PCNT: variants seen among roughly 807,000 people sequenced by gnomAD.
PCNT encodes kendrin.
A neutral mutation model predicts 380.4 loss-of-function variants in PCNT; 319 were observed. That is an observed-to-expected ratio of 0.84 (90% CI 0.77 to 0.92). The LOEUF is 0.92. Among genes scored for constraint, PCNT ranks in the 40% least tolerant of loss-of-function variants. The pLI is 0.00. For missense variants in PCNT, 4,400 were observed against 4,255.3 expected (o/e 1.03, Z -0.95); for synonymous variants, 1,845 against 1,735.2 (o/e 1.06, Z -1.57).
At chr21:46,427,538 CA>C in intron 33 of PCNT, 83 bp from the exon 34 acceptor site, 1 of 1,535,648 alleles carries the variant, frequency 6.5e-7, no homozygotes. Flanking sequence ...GCCCCATCTC[CA>C]AACGCAGTCA....
intron 13 of PCNT, 123 bp from the exon 14 acceptor site, chr21:46,363,357 T>A: frequency 2.7e-6 from 2 of 752,230 alleles, no homozygotes; most frequent in Non-Finnish European, 4.7e-6. Context: ...TGTTGCTGTG[T>A]GCAGCGTAAT....
chr21:46,412,161 G>T, intron 28 of PCNT, 94 bp downstream of exon 28: 2 of 1,406,942 alleles, frequency 1.4e-6, no homozygotes, highest in South Asian at 2.5e-5. Context: ...GGGCACTGGG[G>T]GCTGCAGTTG....
intron 16 of PCNT, among the ~76,000 whole-genome samples, chr21:46,384,805 T>G (rs1006990283): frequency 6.7e-6 from 1 of 148,614 alleles, no homozygotes; most frequent in Non-Finnish European, 1.5e-5. Flanking sequence ...ATTCATGGTG[T>G]TGTGCGTTGA....
chr21:46,437,068 C>A lies in PCNT; in HGVS notation c.9086C>A (p.Pro3029His), dbSNP rs745369116. The A allele has an allele frequency of 1.9e-6, 3 of 1,613,086 alleles. No homozygotes were observed. The highest frequency in any genetic ancestry group is 1.7e-6 in the Non-Finnish European group (2 of 1,179,340). ...GAGCTGAAGTCTGACTTGAGCAGGC[C>A]CACCTCCTCCCAGGTAAGGGGTGAG... is the stretch of plus-strand genomic sequence containing the variant. ...LEELKSDLSRPTSSQKKMAAE... is the reference protein window; with the variant it reads ...LEELKSDLSRHTSSQKKMAAE... Residue 3029 changes from proline (P) to histidine (H), a missense_variant, in exon 40 of 47, where the codon CCC becomes CAC. Coordinates refer to ENST00000359568, the MANE Select transcript of PCNT (RefSeq NM_006031.6).
intron 6 of PCNT, chr21:46,348,469 C>T: frequency 5.6e-6 from 1 of 179,518 alleles, no homozygotes; most frequent in Non-Finnish European, 1.2e-5. Flanking sequence ...GTGCAGATGG[C>T]AGTCTGTTTT....
At chr21:46,344,305 A>G (rs1337299495) in intron 3 of PCNT, among the ~76,000 whole-genome samples, 6 of 151,904 alleles carry the variant, frequency 3.9e-5, no homozygotes. Flanking sequence ...CAATCTCCTG[A>G]CCTCATGATC....
At chr21:46,398,820 CT>C (rs11331073) in intron 24 of PCNT, among the ~76,000 whole-genome samples, 52,470 of 113,966 alleles carry the variant, frequency 0.46, 10,024 homozygotes, top group Admixed American at 0.54. Flanking sequence ...TTTTCTTTTT[CT>C]TTTTTTTTTT....
In PCNT at chr21:46,399,625, G is replaced by A. The variant is rs764372533; in HGVS notation, c.4620G>A (p.Leu1540=). The A allele has an allele frequency of 6.2e-7, 1 of 1,613,670 alleles. No homozygotes were observed. Among genetic ancestry groups the A allele is most frequent in the Non-Finnish European group, 8.5e-7 (1 of 1,179,582 alleles). ...ELLQQKLREK[L]DEFNELAIQK... is the part of the protein sequence containing the mutation. ...TACAACAAAAGTTGAGAGAAAAGTT[G>A]GATGAATTTAATGAATTGGCTATAC... Residue 1540 remains leucine (L), a synonymous_variant, in exon 25 of 47, where the codon TTG becomes TTA. Transcript: ENST00000359568.
In PCNT at chr21:46,390,711, A is replaced by T. The variant is rs774651598; in HGVS notation, c.3882A>T (p.Glu1294Asp). The change falls in exon 20 of 47, where the codon GAA becomes GAT. Residue 1294 changes from glutamate to aspartate, a missense_variant. Physicochemically the swap from Glu to Asp is conservative, Grantham distance 45. Transcript: ENST00000359568. ...AAATTCATTCTCGTTTTGAAAAAGA[A>T]TTTAGTTTTAAGAATGAGGAGACAG... ...ARQIHSRFEK[E>D]FSFKNEETAQ... is the part of the protein sequence containing the mutation. 6.2e-7 allele frequency: 1 copy of T among 1,613,934 alleles called. No individual in the cohort carries two copies. The highest frequency in any genetic ancestry group is 1.3e-5 in the African/African-American group (1 of 74,912).
rs201322796 is a variant in PCNT at position 46,442,453 on chromosome 21, G to A, written c.9624-44G>A. On this transcript the variant is annotated intron_variant, in intron 43 of 46. Transcript: ENST00000359568. ...GGTTTTCATTGCTCTTTCCCTTCCT[G>A]TCTTGCCGTACTTTTAAGTGTGTCT... 27 of 1,249,534 alleles carry A rather than the reference G, an allele frequency of 2.2e-5. No homozygotes were observed. In the East Asian group the frequency reaches 6.3e-4, roughly 29 times the overall value. The allele number at this position is 1,249,534 out of a possible 1,614,324, so 77.4% of individuals were successfully genotyped here.
At chr21:46,367,431 C>T (rs961154225) in intron 15 of PCNT, among the ~76,000 whole-genome samples, 3 of 152,036 alleles carry the variant, frequency 2.0e-5, no homozygotes, top group Admixed American at 1.3e-4. Flanking sequence ...CCTCAGCCTC[C>T]CAAGTAGCTG....
intron 3 of PCNT, among the ~76,000 whole-genome samples, chr21:46,344,093 A>G (rs2083990784): frequency 6.9e-6 from 1 of 145,244 alleles, no homozygotes; most frequent in South Asian, 2.1e-4. Flanking sequence ...GAGATGGAGT[A>G]TCGCTCTGTC....
intron 38 of PCNT, among the ~76,000 whole-genome samples, chr21:46,432,598 T>G (rs960934233): frequency 6.6e-6 from 1 of 152,236 alleles, no homozygotes; most frequent in Admixed American, 6.5e-5. Context: ...GGTCTTTTGA[T>G]CCACGATTAC....
At position 46,391,222 on chromosome 21, in the gene PCNT, G is replaced by A. The variant is rs1300410167; in HGVS notation, c.4062G>A (p.Lys1354=). The change falls in exon 21 of 47, where the codon AAG becomes AAA. Residue 1354 remains lysine (K), a synonymous_variant. Coordinates refer to ENST00000359568, the MANE Select transcript of PCNT (RefSeq NM_006031.6). ...TADLKEVLAG[K]EDSEHRLVLE... is the part of the protein sequence containing the mutation. Reference sequence around the variant, plus strand: ...ATCTGAAGGAGGTGCTGGCCGGGAAGGAGGATTCCGAGCACCGTCTGGTGC... The same window carrying A: ...ATCTGAAGGAGGTGCTGGCCGGGAAAGAGGATTCCGAGCACCGTCTGGTGC... 1.9e-6 allele frequency: 3 copies of A among 1,609,644 alleles called. No individual in the cohort carries two copies. Among genetic ancestry groups the A allele is most frequent in the South Asian group, 1.1e-5 (1 of 89,784 alleles).
At chr21:46,342,576 T>C (rs185137125) in intron 3 of PCNT, among the ~76,000 whole-genome samples, 1 of 152,046 alleles carries the variant, frequency 6.6e-6, no homozygotes, top group African/African-American at 2.4e-5. Flanking sequence ...GTTTTGCTCT[T>C]GTTGCCCAGG....
intron 13 of PCNT, among the ~76,000 whole-genome samples, chr21:46,357,431 G>T (rs1293916505): frequency 6.6e-6 from 1 of 152,206 alleles, no homozygotes; most frequent in Non-Finnish European, 1.5e-5. Flanking sequence ...GAAGTTCTGA[G>T]TGAAGATTTC....
In PCNT at chr21:46,411,813, G is replaced by A. The variant is rs2086795551; in HGVS notation, c.5740G>A (p.Ala1914Thr). 1 of 1,583,932 alleles carries A rather than the reference G, an allele frequency of 6.3e-7. No homozygotes were observed. Among genetic ancestry groups the A allele is most frequent in the Non-Finnish European group, 8.6e-7 (1 of 1,169,524 alleles). Residue 1914 changes from alanine (A) to threonine (T), a missense_variant, in exon 28 of 47, where the codon GCG (alanine) becomes ACG (threonine). Coordinates refer to ENST00000359568, the MANE Select transcript of PCNT (RefSeq NM_006031.6). ...ALEQQPLAAGAAPPELQWLRA... is the reference protein window; with the variant it reads ...ALEQQPLAAGTAPPELQWLRA... ...GGAGCAGCAGCCCCTGGCAGCCGGG[G>A]CGGCGCCTCCCGAGCTGCAGTGGCT... is the stretch of plus-strand genomic sequence containing the variant.
intron 3 of PCNT, among the ~76,000 whole-genome samples, chr21:46,344,087 T>TG (rs2082798840): frequency 6.6e-6 from 1 of 151,028 alleles, no homozygotes; most frequent in African/African-American, 2.4e-5. Flanking sequence ...TTTTTTGAGA[T>TG]GGAGTATCGC....
chr21:46,344,938 T>C (rs1487961981), intron 3 of PCNT, among the ~76,000 whole-genome samples: 1 of 152,230 alleles, frequency 6.6e-6, no homozygotes, highest in Non-Finnish European at 1.5e-5. Flanking sequence ...GTTGGTAGCA[T>C]TTGGGTGCAT....
Sources: allele counts gnomAD v4.1 joint callset (sites outside exome capture counted in the v4.1 genomes callset), GRCh38; gene constraint gnomAD v4.1.1; transcripts MANE v1.5; gene names NCBI Gene and HGNC (gene_info 2026-07-23, HGNC 2026-07-21).